The following FAM13A variants were observed in gnomAD, a reference collection of about 807,000 sequenced individuals.
FAM13A encodes protein FAM13A.
A neutral mutation model predicts 129.6 loss-of-function variants in FAM13A; 76 were observed. That is an observed-to-expected ratio of 0.59 (90% CI 0.49 to 0.71). The LOEUF (loss-of-function observed/expected upper bound fraction) is 0.71. Ranked by LOEUF, FAM13A falls within the 30% of genes least tolerant of loss-of-function variation. The probability of loss-of-function intolerance (pLI) is 0.00; values close to 1 mark genes in which losing one functional copy is unlikely to be tolerated. For synonymous variants in FAM13A, 443 were observed against 449.9 expected, an observed-to-expected ratio of 0.98 and a Z score of 0.20; for missense variants, 1,108 against 1,249.3, an observed-to-expected ratio of 0.89 and a Z score of 1.70.
intron 1 of FAM13A, among the ~76,000 whole-genome samples, chr4:89,034,624 G>A (rs1769124653): frequency 6.6e-6 from 1 of 152,196 alleles, no homozygotes; most frequent in South Asian, 2.1e-4. Flanking sequence ...GCTCATGCCT[G>A]TAATCTCAGC....
intron 11 of FAM13A, among the ~76,000 whole-genome samples, chr4:88,769,964 TTATTTGTTATAATATCTCCAAGA>T (rs1442467043): frequency 2.6e-5 from 4 of 152,224 alleles, no homozygotes; most frequent in African/African-American, 7.2e-5. Flanking sequence ...TATTTTATTG[TTATTTGTTATAATATCTCCAAGA>T]TATTTGTTAT....
intron 3 of FAM13A, among the ~76,000 whole-genome samples, chr4:89,017,794 T>C (rs1405129272): frequency 6.6e-6 from 1 of 152,158 alleles, no homozygotes; most frequent in African/African-American, 2.4e-5. Context: ...GTCACCTTTA[T>C]GAAGGAATGG....
intron 4 of FAM13A, among the ~76,000 whole-genome samples, chr4:88,986,004 A>G (rs1179803666): frequency 6.6e-6 from 1 of 152,236 alleles, no homozygotes; most frequent in East Asian, 1.9e-4. Context: ...TTTTACCAAA[A>G]GAAACATTGA....
intron 5 of FAM13A, among the ~76,000 whole-genome samples, chr4:88,935,523 T>A (rs1753706099): frequency 6.6e-6 from 1 of 152,164 alleles, no homozygotes; most frequent in Non-Finnish European, 1.5e-5. Context: ...ATCTTTATAT[T>A]CATCCTTCCA....
At chr4:88,921,728 A>G (rs934834997) in intron 5 of FAM13A, among the ~76,000 whole-genome samples, 8 of 152,210 alleles carry the variant, frequency 5.3e-5, no homozygotes, top group Non-Finnish European at 1.0e-4. Context: ...AATGGACTAA[A>G]TGCTCCAATT....
intron 1 of FAM13A, among the ~76,000 whole-genome samples, 153 bp downstream of exon 1, chr4:89,056,785 A>T (rs1197073873): frequency 6.6e-6 from 1 of 152,192 alleles, no homozygotes; most frequent in East Asian, 1.9e-4. Context: ...CCTAATACCC[A>T]TTTAAGTAGA....
intron 3 of FAM13A, among the ~76,000 whole-genome samples, chr4:89,018,051 T>C (rs1766746553): frequency 6.6e-6 from 1 of 152,122 alleles, no homozygotes. Context: ...TTACAAAAAA[T>C]AATAGGTTTG....
chr4:88,990,695 T>A (rs999644420), intron 4 of FAM13A: 5 of 305,228 alleles, frequency 1.6e-5, no homozygotes, highest in East Asian at 5.9e-5. Context: ...ACAGATTTTT[T>A]AAATGCCCCT....
chr4:89,012,770 T>C (rs1211145369), intron 3 of FAM13A, among the ~76,000 whole-genome samples: 1 of 152,020 alleles, frequency 6.6e-6, no homozygotes, highest in Non-Finnish European at 1.5e-5. Context: ...CTATAAAGCA[T>C]GGAAGAGAGG....
intron 7 of FAM13A, among the ~76,000 whole-genome samples, chr4:88,826,561 G>C (rs1273607942): frequency 6.6e-6 from 1 of 152,064 alleles, no homozygotes; most frequent in Non-Finnish European, 1.5e-5. Context: ...ATCTTTGACT[G>C]TTCACTGCAT....
intron 6 of FAM13A, among the ~76,000 whole-genome samples, chr4:88,900,143 C>G (rs1747049249): frequency 6.6e-6 from 1 of 151,994 alleles, no homozygotes; most frequent in South Asian, 2.1e-4. Flanking sequence ...GTAAAGATGT[C>G]AAACCTAAAA....
chr4:88,876,585 T>G (rs1742519068), intron 6 of FAM13A, among the ~76,000 whole-genome samples: 1 of 151,944 alleles, frequency 6.6e-6, no homozygotes, highest in African/African-American at 2.4e-5. Context: ...ACCTACCCCC[T>G]GGTCACATCA....
chr4:88,763,601 C>T (rs747524407), intron 13 of FAM13A, among the ~76,000 whole-genome samples: 2 of 152,152 alleles, frequency 1.3e-5, no homozygotes, highest in Non-Finnish European at 2.9e-5. Context: ...CTTTTTCTAT[C>T]CCCAGACTTT....
At chr4:88,781,645 G>T (rs554061435) in intron 10 of FAM13A, among the ~76,000 whole-genome samples, 1 of 152,124 alleles carries the variant, frequency 6.6e-6, no homozygotes, top group South Asian at 2.1e-4. Flanking sequence ...AACAGTGCAA[G>T]TTTATACAGA....
chr4:88,924,520 GA>G (rs1211909980), intron 5 of FAM13A, among the ~76,000 whole-genome samples: 1 of 152,154 alleles, frequency 6.6e-6, no homozygotes, highest in African/African-American at 2.4e-5. Flanking sequence ...GCTGAAACTG[GA>G]CCCCTTCTTT....
chr4:88,854,138 C>A (rs1211108591), intron 6 of FAM13A, among the ~76,000 whole-genome samples: 1 of 152,198 alleles, frequency 6.6e-6, no homozygotes. Flanking sequence ...TCATAATAAA[C>A]ATCTATCCTA....
intron 3 of FAM13A, among the ~76,000 whole-genome samples, chr4:89,002,389 C>CTAGA (rs1332978266): frequency 6.6e-6 from 1 of 152,092 alleles, no homozygotes; most frequent in Non-Finnish European, 1.5e-5. Flanking sequence ...TCTTGAATAT[C>CTAGA]TGAGATAGTT....
rs1430175898 is a variant in FAM13A, at chr4:88,971,034, C to T, written c.605+19939G>A. Reference sequence around the variant, plus strand: ...CCATCCTGGCTAACATGGTGAAACCCCATCTCTACTAAAAATACAAAAAAT... The same window carrying T: ...CCATCCTGGCTAACATGGTGAAACCTCATCTCTACTAAAAATACAAAAAAT... On this transcript the variant is annotated intron_variant, in intron 4 of 23. Coordinates refer to ENST00000264344, the MANE Select transcript of FAM13A (RefSeq NM_014883.4). Among the ~76,000 whole-genome samples, 7 of 152,132 alleles carry T rather than the reference C, an allele frequency of 4.6e-5. 1 individual carries two copies. The highest frequency in any genetic ancestry group is 5.9e-5 in the Non-Finnish European group (4 of 68,032).
intron 7 of FAM13A, among the ~76,000 whole-genome samples, chr4:88,809,813 A>T (rs1281510408): frequency 6.7e-6 from 1 of 150,208 alleles, no homozygotes; most frequent in Non-Finnish European, 1.5e-5. Context: ...TCTGTTGCTT[A>T]GGTTTTTGGT....
Sources: allele counts gnomAD v4.1 joint callset (sites outside exome capture counted in the v4.1 genomes callset), GRCh38; gene constraint gnomAD v4.1.1; transcripts MANE v1.5; gene names NCBI Gene and HGNC (gene_info 2026-07-23, HGNC 2026-07-21).